SMAD9: variants seen among roughly 807,000 people sequenced by gnomAD.
The protein encoded by SMAD9 is SMAD family member 9.
In SMAD9, 36 loss-of-function variants were observed where a neutral mutation model predicts 46.1. That is an observed-to-expected ratio of 0.78 (90% CI 0.60 to 1.03). The LOEUF (loss-of-function observed/expected upper bound fraction) is 1.03. Ranked by LOEUF, SMAD9 falls within the 50% of genes least tolerant of loss-of-function variation. SMAD9 has a pLI of 0.00. For missense variants in SMAD9, 572 were observed against 599.8 expected (o/e 0.95, Z 0.48); for synonymous variants, 245 against 237.1 (o/e 1.03, Z -0.31).
At chr13:36,907,177 A>G (rs893579250) in intron 1 of SMAD9, among the ~76,000 whole-genome samples, 2 of 152,236 alleles carry the variant, frequency 1.3e-5, no homozygotes, top group African/African-American at 4.8e-5. Flanking sequence ...TATATGAAAT[A>G]TCTAGAATAG....
At chr13:36,908,921 T>G (rs1334965430) in intron 1 of SMAD9, among the ~76,000 whole-genome samples, 3 of 152,112 alleles carry the variant, frequency 2.0e-5, no homozygotes, top group East Asian at 1.9e-4. Context: ...ACTCTTGGTT[T>G]ACCAGGCAGC....
Position 36,848,515 on chromosome 13 carries a change from C to T in SMAD9, c.*161G>A, listed in dbSNP as rs2138251203. The T allele has an allele frequency of 5.3e-6, 4 of 759,392 alleles. No individual in the cohort carries two copies. In the East Asian group the frequency reaches 9.9e-5, roughly 19 times the overall value. The allele number at this position is 759,392 out of a possible 1,614,324, so 47.0% of individuals were successfully genotyped here. A position where few individuals can be genotyped will look rare whatever the true frequency, so the allele number is the denominator to read the frequency against. Reference sequence around the variant, plus strand: ...TTGCACTGTACTGGCATCAGGTTAACTAGAAAGCACAAAACAAACGGTGAT... The same window carrying T: ...TTGCACTGTACTGGCATCAGGTTAATTAGAAAGCACAAAACAAACGGTGAT... On this transcript the variant is annotated 3_prime_UTR_variant, in exon 7 of 7. Transcript: ENST00000379826.
chr13:36,853,660 T>C lies in SMAD9; in HGVS notation c.1019A>G (p.Tyr340Cys), dbSNP rs1311530470. 1.9e-6 allele frequency: 3 copies of C among 1,613,936 alleles called. No individual in the cohort carries two copies. Among genetic ancestry groups the C allele is most frequent in the African/African-American group, 1.3e-5 (1 of 74,886 alleles). Reference sequence around the variant, plus strand: ...CTCGGCATACACCTCTCCCCCGACGTAGTACAAGTGCACACCTGCAGACAC... The same window carrying C: ...CTCGGCATACACCTCTCCCCCGACGCAGTACAAGTGCACACCTGCAGACAC... ...RHIGKGVHLY[Y>C]VGGEVYAECV... is the part of the protein sequence containing the mutation. The change falls in exon 6 of 7, where the codon TAC (tyrosine) becomes TGC (cysteine). Residue 340 changes from tyrosine (Y) to cysteine (C), a missense_variant. Coordinates refer to ENST00000379826, the MANE Select transcript of SMAD9 (RefSeq NM_001127217.3).
At position 36,876,030 on chromosome 13, in the gene SMAD9, C is replaced by T. The variant is rs190016274; in HGVS notation, c.413-3115G>A. ...TGTGCACTGATCATATTTTTAAATA[C>T]TTTCACTCACAACACAGCTATCCCT... On this transcript the variant is annotated intron_variant, in intron 2 of 6. Transcript: ENST00000379826. Among the ~76,000 whole-genome samples the T allele has an allele frequency of 2.6e-5, 4 of 152,310 alleles. No homozygotes were observed. In the East Asian group the frequency reaches 7.7e-4, roughly 29 times the overall value.
At chr13:36,864,532 A>G (rs1593565225) in intron 5 of SMAD9, among the ~76,000 whole-genome samples, 1 of 151,948 alleles carries the variant, frequency 6.6e-6, no homozygotes, top group Admixed American at 6.6e-5. Context: ...CTGATTTTCT[A>G]TTTTTCATTT....
chr13:36,860,669 G>A (rs2058172824), intron 5 of SMAD9, among the ~76,000 whole-genome samples: 1 of 151,748 alleles, frequency 6.6e-6, no homozygotes, highest in African/African-American at 2.4e-5. Flanking sequence ...TAGCCAGGAG[G>A]GTCTCGATCT....
intron 1 of SMAD9, among the ~76,000 whole-genome samples, chr13:36,901,778 T>C (rs1444352132): frequency 6.6e-6 from 1 of 152,186 alleles, no homozygotes; most frequent in Non-Finnish European, 1.5e-5. Context: ...ACTGAGCAAA[T>C]TTGCTGTCCA....
chr13:36,898,837 C>A (rs984390860), intron 1 of SMAD9, among the ~76,000 whole-genome samples: 1 of 152,146 alleles, frequency 6.6e-6, no homozygotes. Context: ...ATACTGAATA[C>A]TTCTCCTAAG....
Position 36,867,348 on chromosome 13 carries a change from C to CCA in SMAD9, c.705_706insTG (p.Ala236TrpfsTer11), listed in dbSNP as rs1566019732. ...GGTTGGCCACTCTGGGTCTCAGAGG[C>CCA]TTCTGTGGCATGATAAGGCAGGGGT... On this transcript the variant is annotated frameshift_variant, in exon 4 of 7. Coordinates refer to ENST00000379826, the MANE Select transcript of SMAD9 (RefSeq NM_001127217.3). LOFTEE classifies it high-confidence loss of function. The CCA allele has an allele frequency of 1.3e-6, 2 of 1,551,062 alleles. No individual in the cohort carries two copies. Among genetic ancestry groups the CCA allele is most frequent in the East Asian group, 4.9e-5 (2 of 40,916 alleles).
chr13:36,871,284 G>A (rs1039459925), intron 3 of SMAD9, among the ~76,000 whole-genome samples: 10 of 152,184 alleles, frequency 6.6e-5, no homozygotes, highest in Non-Finnish European at 1.0e-4. Flanking sequence ...TTGGGAGGCC[G>A]AGGTGGGCAG....
At chr13:36,896,588 T>C (rs1023782401) in intron 1 of SMAD9, among the ~76,000 whole-genome samples, 2 of 152,160 alleles carry the variant, frequency 1.3e-5, no homozygotes, top group African/African-American at 4.8e-5. Context: ...CAGAATTCCC[T>C]GTAGCATGCT....
At chr13:36,872,632 C>T (rs747650474) in intron 3 of SMAD9, 26 bp downstream of exon 3, 1 of 1,613,176 alleles carries the variant, frequency 6.2e-7, no homozygotes, top group Non-Finnish European at 8.5e-7. Context: ...TCCCGTATTT[C>T]CCCACAGACC....
intron 5 of SMAD9, among the ~76,000 whole-genome samples, chr13:36,861,997 A>C (rs752866823): frequency 6.6e-6 from 1 of 152,176 alleles, no homozygotes; most frequent in Non-Finnish European, 1.5e-5. Context: ...ACAGCCAGGC[A>C]ATCTTTTCGA....
intron 1 of SMAD9, among the ~76,000 whole-genome samples, chr13:36,887,975 T>C (rs981639846): frequency 6.6e-6 from 1 of 152,052 alleles, no homozygotes; most frequent in African/African-American, 2.4e-5. Context: ...GTGTTCTGCA[T>C]AGAAAACAAA....
At chr13:36,920,671 C>G (rs529485412), upstream of SMAD9, 6 of 152,596 alleles carry the variant, frequency 3.9e-5, no homozygotes, top group East Asian at 1.2e-3. Context: ...AGCCCGAAAC[C>G]AGAAGAGTTG....
rs1325646770 is a variant in SMAD9 at position 36,848,327 on chromosome 13, T to C, written c.*349A>G. 3 of 289,994 alleles carry C rather than the reference T, an allele frequency of 1.0e-5. No individual in the cohort carries two copies. Among genetic ancestry groups the C allele is most frequent in the Non-Finnish European group, 6.6e-6 (1 of 151,176 alleles). 18.0% of individuals were successfully genotyped at this position (289,994 alleles called of 1,614,324 possible). On this transcript the variant is annotated 3_prime_UTR_variant, in exon 7 of 7. Coordinates refer to ENST00000379826, the MANE Select transcript of SMAD9 (RefSeq NM_001127217.3). ...TTTGCTGTATAAACAGTTTCAATGT[T>C]TCTGTGAGGCCACACAACATGCTTT...
rs989961867 is a variant in SMAD9 at position 36,879,300 on chromosome 13, G to A, written c.390C>T (p.His130=). ...KQKEVCINPY[H]YRRVETPVLP... ...CACCTGGAGTCTCCACCCGGCGGTAGTGGTAAGGGTTAATGCACACTTCTT... is the reference window on the plus strand; with the variant it reads ...CACCTGGAGTCTCCACCCGGCGGTAATGGTAAGGGTTAATGCACACTTCTT... Residue 130 remains histidine, a synonymous_variant, in exon 2 of 7, where the codon CAC becomes CAT. Transcript: ENST00000379826. The A allele has an allele frequency of 1.9e-6, 3 of 1,614,002 alleles. No homozygotes were observed. The highest frequency in any genetic ancestry group is 1.3e-5 in the African/African-American group (1 of 74,944).
intron 1 of SMAD9, among the ~76,000 whole-genome samples, chr13:36,919,883 C>G (rs1022489908): frequency 1.3e-5 from 2 of 150,356 alleles, no homozygotes; most frequent in African/African-American, 4.9e-5. Flanking sequence ...GAACAACGAC[C>G]GCCAAAAGCC....
chr13:36,889,447 C>A (rs538259720), intron 1 of SMAD9, among the ~76,000 whole-genome samples: 134 of 152,254 alleles, frequency 8.8e-4, no homozygotes, highest in African/African-American at 3.1e-3. Context: ...CTACTTAAAT[C>A]GCAAGAACTC....
Sources: gnomAD v4.1 joint callset for allele counts (sites outside exome capture counted in the v4.1 genomes callset) on GRCh38, gnomAD v4.1.1 for gene constraint, MANE v1.5 for transcripts, NCBI Gene and HGNC (gene_info 2026-07-23, HGNC 2026-07-21) for gene names.